TENT4B: variants seen among roughly 807,000 people sequenced by gnomAD.
The protein encoded by TENT4B is PAP associated domain containing 5.
A neutral mutation model predicts 75.0 loss-of-function variants in TENT4B; 10 were observed. That is an observed-to-expected ratio of 0.13 (90% CI 0.08 to 0.23). TENT4B has a LOEUF of 0.23. Ranked by LOEUF, TENT4B falls within the 10% of genes least tolerant of loss-of-function variation. The probability of loss-of-function intolerance (pLI) is 1.00; values close to 1 mark genes in which losing one functional copy is unlikely to be tolerated. For missense variants in TENT4B, 579 were observed against 893.8 expected (o/e 0.65, Z 4.49); for synonymous variants, 350 against 357.7 (o/e 0.98, Z 0.24).
chr16:50,221,826 C>T (rs57696708), intron 5 of TENT4B, among the ~76,000 whole-genome samples: 6,674 of 151,698 alleles, frequency 0.044, 175 homozygotes, highest in African/African-American at 0.071. Flanking sequence ...TGCAATGGCA[C>T]GATCTCGCCT....
In TENT4B at chr16:50,216,776, T is replaced by TA. The variant is rs760583244; in HGVS notation, c.930+581_930+582insA. The stretch of plus-strand genomic sequence containing the variant: ...CTCAAGTGATCCTCCCACCTCAGCC[T>TA]TATGTGTATCTGGGACTAAGGCGCA... On this transcript the variant is annotated intron_variant, in intron 4 of 11. Coordinates refer to ENST00000561678, the MANE Select transcript of TENT4B (RefSeq NM_001365324.3). Among the ~76,000 whole-genome samples the TA allele has an allele frequency of 3.1e-3, 470 of 152,254 alleles. 2 individuals are homozygous for TA. Among genetic ancestry groups the TA allele is most frequent in the Admixed American group, 5.2e-3 (80 of 15,286 alleles).
At chr16:50,224,009 C>G (rs1350522851) in intron 7 of TENT4B, among the ~76,000 whole-genome samples, 1 of 152,078 alleles carries the variant, frequency 6.6e-6, no homozygotes, top group African/African-American at 2.4e-5. Context: ...AAAATAGATT[C>G]TGCGTTATTG....
chr16:50,211,295 A>G (rs765193903), intron 1 of TENT4B, 28 bp from the exon 2 acceptor site: 9 of 1,590,852 alleles, frequency 5.7e-6, no homozygotes, highest in African/African-American at 1.4e-5. Flanking sequence ...GGCCCTGTTC[A>G]TATTAACTTT....
At chr16:50,228,842 T>C (rs535092284) in intron 11 of TENT4B, among the ~76,000 whole-genome samples, 1 of 152,344 alleles carries the variant, frequency 6.6e-6, no homozygotes, top group African/African-American at 2.4e-5. Flanking sequence ...CTCTTCCCGC[T>C]CTGTCACTTA....
At chr16:50,210,655 T>C (rs568473467) in intron 1 of TENT4B, among the ~76,000 whole-genome samples, 5 of 152,308 alleles carry the variant, frequency 3.3e-5, no homozygotes, top group Admixed American at 2.0e-4. Flanking sequence ...AACATTTAAA[T>C]AGCTATCTGT....
chr16:50,195,386 C>G (rs2030162809), intron 1 of TENT4B, among the ~76,000 whole-genome samples: 1 of 152,098 alleles, frequency 6.6e-6, no homozygotes, highest in Non-Finnish European at 1.5e-5. Context: ...TGGAGAAATC[C>G]TTTGGCTCTC....
chr16:50,161,952 A>G (rs571883240), intron 1 of TENT4B, among the ~76,000 whole-genome samples: 6 of 152,254 alleles, frequency 3.9e-5, no homozygotes, highest in African/African-American at 7.2e-5. Context: ...AGGGCTCCCT[A>G]TGCTACCACT....
intron 1 of TENT4B, among the ~76,000 whole-genome samples, chr16:50,164,107 A>T (rs1225416016): frequency 6.6e-6 from 1 of 152,056 alleles, no homozygotes; most frequent in Non-Finnish European, 1.5e-5. Flanking sequence ...CAGTGAGCAA[A>T]GATTGTGCCA....
At position 50,225,265 on chromosome 16, in the gene TENT4B, C is replaced by G. The variant is rs1348294513; in HGVS notation, c.1780C>G (p.Gln594Glu). ...SGPVSSSSAT[Q>E]SSSSDVDSDA... is the part of the protein sequence containing the mutation. The stretch of plus-strand genomic sequence containing the variant: ...TCCAGTGTCGTCCTCTTCTGCCACA[C>G]AGTCCAGCTCTAGTGATGTAGTAAG... The change falls in exon 10 of 12, where the codon CAG becomes GAG. Residue 594 changes from glutamine (Q) to glutamate (E), a missense_variant. Physicochemically the swap from Gln to Glu is conservative, Grantham distance 29. Around this residue, in one of 7 missense-constraint regions of TENT4B, gnomAD observed 164 missense variants for 226.5 expected, o/e 0.72. Coordinates refer to ENST00000561678, the MANE Select transcript of TENT4B (RefSeq NM_001365324.3). The G allele has an allele frequency of 1.2e-6, 2 of 1,612,652 alleles. No individual in the cohort carries two copies. The highest frequency in any genetic ancestry group is 1.7e-6 in the Non-Finnish European group (2 of 1,179,148).
chr16:50,174,808 A>G (rs562470448), intron 1 of TENT4B, among the ~76,000 whole-genome samples: 3 of 143,892 alleles, frequency 2.1e-5, no homozygotes, highest in South Asian at 4.3e-4. Flanking sequence ...CAGTGGCACA[A>G]TCTCGACTCA....
At chr16:50,196,497 C>CATCATG (rs2030259922) in intron 1 of TENT4B, among the ~76,000 whole-genome samples, 1 of 145,798 alleles carries the variant, frequency 6.9e-6, no homozygotes, top group African/African-American at 2.8e-5. Flanking sequence ...TTATCATCAT[C>CATCATG]ATCATCATCA....
intron 3 of TENT4B, among the ~76,000 whole-genome samples, chr16:50,214,527 G>T (rs901091623): frequency 1.3e-5 from 2 of 152,096 alleles, no homozygotes; most frequent in Non-Finnish European, 2.9e-5. Context: ...GTAGCAGTGC[G>T]CACCTGTAAT....
rs540997811 is a variant in TENT4B, at chr16:50,205,745, C to A, written c.639-5578C>A. ...AGCTGGAATTACAGGCGCCTGCCAC[C>A]ACACCCAGCTAATTTTTGTATTTTT... On this transcript the variant is annotated intron_variant, in intron 1 of 11. Transcript: ENST00000561678. 1.6e-3 allele frequency among the ~76,000 whole-genome samples: 248 copies of A among 151,666 alleles called. 1 individual carries two copies. Among genetic ancestry groups the A allele is most frequent in the Non-Finnish European group, 3.2e-3 (215 of 67,908 alleles).
rs143105293 is a variant in TENT4B at position 50,216,511 on chromosome 16, C to T, written c.930+316C>T. Reference sequence around the variant, plus strand: ...ATTTTTTGTAGAGACGGGGTTTCACCGTGTTACCCAGACTGATCTCCAACT... The same window carrying T: ...ATTTTTTGTAGAGACGGGGTTTCACTGTGTTACCCAGACTGATCTCCAACT... On this transcript the variant is annotated intron_variant, in intron 4 of 11. Coordinates refer to ENST00000561678, the MANE Select transcript of TENT4B (RefSeq NM_001365324.3). 1.1e-3 allele frequency among the ~76,000 whole-genome samples: 172 copies of T among 152,294 alleles called. 1 individual carries two copies. The highest frequency in any genetic ancestry group is 3.4e-3 in the Middle Eastern group (1 of 294).
intron 1 of TENT4B, among the ~76,000 whole-genome samples, chr16:50,180,223 C>A (rs932864068): frequency 4.6e-5 from 7 of 152,032 alleles, no homozygotes; most frequent in African/African-American, 1.7e-4. Flanking sequence ...TCTGCCTTAG[C>A]TTCCTGAGTA....
At chr16:50,195,282 C>T (rs972375912) in intron 1 of TENT4B, among the ~76,000 whole-genome samples, 2 of 152,102 alleles carry the variant, frequency 1.3e-5, no homozygotes, top group East Asian at 1.9e-4. Context: ...TGGTGATACC[C>T]CCTCCAAAGC....
intron 1 of TENT4B, among the ~76,000 whole-genome samples, chr16:50,161,971 G>T (rs1038240188): frequency 1.3e-5 from 2 of 152,006 alleles, no homozygotes; most frequent in Admixed American, 6.6e-5. Context: ...CTTTATAGCC[G>T]CACGCACCCT....
chr16:50,160,097 C>G (rs2037975626), intron 1 of TENT4B, among the ~76,000 whole-genome samples: 1 of 152,104 alleles, frequency 6.6e-6, no homozygotes, highest in African/African-American at 2.4e-5. Flanking sequence ...CGGGGTTTCG[C>G]CGTGTTGGCC....
chr16:50,172,231 T>C (rs1308771131), intron 1 of TENT4B, among the ~76,000 whole-genome samples: 1 of 151,654 alleles, frequency 6.6e-6, no homozygotes, highest in Non-Finnish European at 1.5e-5. Context: ...GGTGCATGCC[T>C]GTAATCCCAG....
Sources: gnomAD v4.1 joint callset for allele counts (sites outside exome capture counted in the v4.1 genomes callset) on GRCh38, gnomAD v4.1.1 for gene constraint, gnomAD v4.1.1 regional missense constraint, MANE v1.5 for transcripts, NCBI Gene and HGNC (gene_info 2026-07-23, HGNC 2026-07-21) for gene names.